The following RBMS3 variants were observed in gnomAD, a reference collection of about 807,000 sequenced individuals.
RBMS3 encodes the protein RNA-binding motif, single-stranded-interacting protein 3.
In RBMS3, 27 loss-of-function variants were observed where a neutral mutation model predicts 66.8. That is an observed-to-expected ratio of 0.40 (90% confidence interval 0.30 to 0.56). The LOEUF is 0.56. Ranked by LOEUF, RBMS3 falls within the 20% of genes least tolerant of loss-of-function variation. RBMS3 has a pLI of 0.40. For synonymous variants in RBMS3, 188 were observed against 183.0 expected (o/e 1.03, Z -0.22); for missense variants, 513 against 549.5 (o/e 0.93, Z 0.66).
In RBMS3 at chr3:29,416,971, C is replaced by T. The variant is rs564870016; in HGVS notation, c.76-17772C>T. ...GCTGAAGAAAACATTTCTGAACTAT[C>T]ACTAGAAAAAAAAGTGCCTATCAGC... On this transcript the variant is annotated intron_variant, in intron 1 of 14. Coordinates refer to ENST00000383767, the MANE Select transcript of RBMS3 (RefSeq NM_001003793.3). Among the ~76,000 whole-genome samples the T allele has an allele frequency of 5.3e-5, 8 of 151,998 alleles. No individual in the cohort carries two copies. The South Asian group carries it at 1.2e-3, about 24-fold the overall frequency.
At position 29,794,784 on chromosome 3, in the gene RBMS3, G is replaced by A. The variant is rs146152716; in HGVS notation, c.637+31795G>A. Among the ~76,000 whole-genome samples the A allele has an allele frequency of 6.4e-4, 98 of 152,278 alleles. No individual in the cohort carries two copies. The Middle Eastern group carries it at 0.034, about 53-fold the overall frequency. ...AGTTTAGGAGATTCATTTTGTGAAT[G>A]TACACATGGTCATGTGCCCGGTACA... On this transcript the variant is annotated intron_variant, in intron 6 of 14. Transcript: ENST00000383767.
intron 6 of RBMS3, among the ~76,000 whole-genome samples, chr3:29,840,082 C>A (rs928956591): frequency 6.6e-6 from 1 of 151,888 alleles, no homozygotes; most frequent in African/African-American, 2.4e-5. Context: ...TCTATATCTG[C>A]ACTTTTAATA....
At chr3:29,549,059 GTTTTTTT>G (rs5847579) in intron 3 of RBMS3, among the ~76,000 whole-genome samples, 27 of 85,340 alleles carry the variant, frequency 3.2e-4, no homozygotes, top group Admixed American at 9.3e-4. Context: ...TCCTACTTCT[GTTTTTTT>G]TTTTTTTTTT....
chr3:29,804,470 C>A (rs894717008), intron 6 of RBMS3, among the ~76,000 whole-genome samples: 1 of 151,804 alleles, frequency 6.6e-6, no homozygotes, highest in Non-Finnish European at 1.5e-5. Flanking sequence ...CAAAAAAGAA[C>A]CCTTTATGTA....
intron 4 of RBMS3, among the ~76,000 whole-genome samples, chr3:29,648,694 C>T (rs1276926428): frequency 6.6e-6 from 1 of 150,954 alleles, no homozygotes; most frequent in Non-Finnish European, 1.5e-5. Flanking sequence ...TAAAGGAAAA[C>T]AATTCTGTAG....
chr3:29,943,391 T>C, intron 11 of RBMS3, among the ~76,000 whole-genome samples: 1 of 151,858 alleles, frequency 6.6e-6, no homozygotes. Flanking sequence ...CTATGCCATA[T>C]TCCAATCTCC....
At chr3:29,662,567 G>T (rs1315726353) in intron 4 of RBMS3, among the ~76,000 whole-genome samples, 1 of 152,156 alleles carries the variant, frequency 6.6e-6, no homozygotes, top group African/African-American at 2.4e-5. Flanking sequence ...ACAAAACCAT[G>T]CTGAATTCCA....
intron 1 of RBMS3, among the ~76,000 whole-genome samples, chr3:29,320,954 G>C (rs1314370494): frequency 6.6e-6 from 1 of 151,678 alleles, no homozygotes; most frequent in East Asian, 1.9e-4. Flanking sequence ...AAAAAAGTTT[G>C]GGGAAAATCT....
At chr3:29,425,768 C>G (rs972846026) in intron 1 of RBMS3, among the ~76,000 whole-genome samples, 1 of 152,068 alleles carries the variant, frequency 6.6e-6, no homozygotes, top group African/African-American at 2.4e-5. Flanking sequence ...TTCTGAAGAC[C>G]TCTTTATCTC....
At chr3:29,820,176 G>T in intron 6 of RBMS3, among the ~76,000 whole-genome samples, 1 of 91,042 alleles carries the variant, frequency 1.1e-5, no homozygotes, top group Non-Finnish European at 2.0e-5. Flanking sequence ...GTAACAGAGT[G>T]AGACTTCTTC....
chr3:29,532,629 A>T (rs1033727119), intron 3 of RBMS3, among the ~76,000 whole-genome samples: 17 of 152,016 alleles, frequency 1.1e-4, no homozygotes, highest in Admixed American at 6.6e-4. Flanking sequence ...ACTCAGGAGG[A>T]TGAGGCAGGG....
intron 6 of RBMS3, among the ~76,000 whole-genome samples, chr3:29,861,065 G>A (rs913396378): frequency 1.3e-5 from 2 of 152,034 alleles, no homozygotes; most frequent in Admixed American, 6.6e-5. Context: ...GGGTTTCACC[G>A]TGTTAGCCAG....
chr3:29,736,336 G>T (rs1167792430), intron 4 of RBMS3, among the ~76,000 whole-genome samples: 1 of 152,136 alleles, frequency 6.6e-6, no homozygotes, highest in South Asian at 2.1e-4. Context: ...GTTTGAATTT[G>T]GATTCAGAAA....
intron 2 of RBMS3, among the ~76,000 whole-genome samples, chr3:29,463,048 G>A (rs762532723): frequency 1.3e-5 from 2 of 152,140 alleles, no homozygotes; most frequent in African/African-American, 2.4e-5. Context: ...TAAAATCTGT[G>A]GAAGAAAAGT....
rs201238280 is a variant in RBMS3 at position 29,281,472 on chromosome 3, G to A, written c.-210G>A. On this transcript the variant is annotated 5_prime_UTR_variant, in exon 1 of 15. Coordinates refer to ENST00000383767, the MANE Select transcript of RBMS3 (RefSeq NM_001003793.3). The stretch of plus-strand genomic sequence containing the variant: ...GTTTTTTCTACAGATCTCACTCCTC[G>A]CCCTTTTTTTTTTTCCTTTGGTGTG... 2 of 430,466 alleles carry A rather than the reference G, an allele frequency of 4.6e-6. No homozygotes were observed. Among genetic ancestry groups the A allele is most frequent in the East Asian group, 3.3e-5 (1 of 29,934 alleles). 26.7% of individuals were successfully genotyped at this position (430,466 alleles called of 1,614,324 possible). A position where few individuals can be genotyped will look rare whatever the true frequency, so the allele number is the denominator to read the frequency against.
intron 4 of RBMS3, among the ~76,000 whole-genome samples, chr3:29,705,076 G>A (rs944742014): frequency 1.3e-5 from 2 of 152,166 alleles, no homozygotes; most frequent in African/African-American, 4.8e-5. Context: ...TTAGCTAGGG[G>A]CTTTTTGTTT....
In RBMS3 at chr3:29,359,507, C is replaced by G. The variant is rs150604360; in HGVS notation, c.76-75236C>G. On this transcript the variant is annotated intron_variant, in intron 1 of 14. Coordinates refer to ENST00000383767, the MANE Select transcript of RBMS3 (RefSeq NM_001003793.3). ...ATCAGGGGTATTGGTCTAAAATTCT[C>G]TTTTTTTGTTGTGTCGCTGCCAGGC... is the stretch of plus-strand genomic sequence containing the variant. 3.7e-3 allele frequency among the ~76,000 whole-genome samples: 557 copies of G among 152,166 alleles called. 4 individuals are homozygous for G. Among genetic ancestry groups the G allele is most frequent in the South Asian group, 0.028 (135 of 4,822 alleles).
chr3:29,521,789 G>C (rs2044868818), intron 3 of RBMS3, among the ~76,000 whole-genome samples: 1 of 152,128 alleles, frequency 6.6e-6, no homozygotes, highest in Admixed American at 6.5e-5. Context: ...ACTTGCTCAG[G>C]TCATACAGTC....
At chr3:29,993,389 GGTGGGAGATGAGAAATACT>G in intron 14 of RBMS3, among the ~76,000 whole-genome samples, 1 of 152,246 alleles carries the variant, frequency 6.6e-6, no homozygotes, top group South Asian at 2.1e-4. Flanking sequence ...GACATTGATT[GGTGGGAGATGAGAAATACT>G]GTGGGTAATG....
Sources: allele counts gnomAD v4.1 joint callset (sites outside exome capture counted in the v4.1 genomes callset), GRCh38; gene constraint gnomAD v4.1.1; transcripts MANE v1.5; gene names NCBI Gene and HGNC (gene_info 2026-07-23, HGNC 2026-07-21).